Variants in PIK3CB observed in about 807,000 individuals in gnomAD.
PIK3CB encodes phosphatidylinositol 4,5-bisphosphate 3-kinase catalytic subunit beta isoform.
A neutral mutation model predicts 136.8 loss-of-function variants in PIK3CB; 39 were observed. The ratio of observed to expected loss-of-function variants is 0.29; its 90% CI spans 0.22 to 0.37. The LOEUF is 0.37. Among genes scored for constraint, PIK3CB ranks in the 10% least tolerant of loss-of-function variants. The pLI is 1.00. For missense variants in PIK3CB, 868 were observed against 1,275.4 expected, an observed-to-expected ratio of 0.68 and a Z score of 4.87; for synonymous variants, 428 against 436.6, an observed-to-expected ratio of 0.98 and a Z score of 0.25.
intron 4 of PIK3CB, among the ~76,000 whole-genome samples, chr3:138,747,747 T>C (rs2045390072): frequency 6.6e-6 from 1 of 152,212 alleles, no homozygotes; most frequent in East Asian, 1.9e-4. Flanking sequence ...CTGTGATTCG[T>C]CTGCAAGTTT....
chr3:138,661,893 T>C (rs2043302228), intron 21 of PIK3CB, among the ~76,000 whole-genome samples: 1 of 152,130 alleles, frequency 6.6e-6, no homozygotes, highest in Non-Finnish European at 1.5e-5. Context: ...TTGCTTAACA[T>C]AAAAAGTGTT....
At chr3:138,819,542 T>A (rs969858651) in intron 1 of PIK3CB, among the ~76,000 whole-genome samples, 1 of 152,196 alleles carries the variant, frequency 6.6e-6, no homozygotes, top group African/African-American at 2.4e-5. Flanking sequence ...AAAATGAAGT[T>A]AGGATTTAGG....
At chr3:138,702,334 C>CA (rs1447751094) in intron 12 of PIK3CB, among the ~76,000 whole-genome samples, 1 of 151,614 alleles carries the variant, frequency 6.6e-6, no homozygotes, top group Non-Finnish European at 1.5e-5. Context: ...CTTGGCCTCT[C>CA]AAAGTGCTGC....
intron 2 of PIK3CB, among the ~76,000 whole-genome samples, chr3:138,780,298 G>A (rs990567028): frequency 2.0e-5 from 3 of 150,760 alleles, no homozygotes; most frequent in Admixed American, 6.6e-5. Flanking sequence ...TTGAGACGGC[G>A]TCTTGCTCTG....
intron 6 of PIK3CB, among the ~76,000 whole-genome samples, chr3:138,737,345 A>G (rs1481987138): frequency 7.1e-6 from 1 of 140,280 alleles, no homozygotes; most frequent in Non-Finnish European, 1.5e-5. Flanking sequence ...GTGAGCCAAG[A>G]CTGCATGCCA....
intron 2 of PIK3CB, 79 bp downstream of exon 2, chr3:138,796,384 C>CAAAAAAAAAAAAAAAAAAAAAAAAAAA (rs71626081): frequency 1.5e-5 from 1 of 66,686 alleles, no homozygotes; most frequent in Non-Finnish European, 2.8e-5. Context: ...GACTCCACCT[C>CAAAAAAAAAAAAAAAAAAAAAAAAAAA]AAAAAAAAAA....
At chr3:138,732,647 T>G (rs918983115) in intron 8 of PIK3CB, among the ~76,000 whole-genome samples, 2 of 147,420 alleles carry the variant, frequency 1.4e-5, no homozygotes, top group Non-Finnish European at 3.0e-5. Context: ...TTGTGGTCCA[T>G]AACGTAGTAA....
chr3:138,762,959 C>CA (rs900421858), intron 2 of PIK3CB, among the ~76,000 whole-genome samples: 21 of 150,278 alleles, frequency 1.4e-4, no homozygotes, highest in African/African-American at 3.2e-4. Context: ...GAGTCTGCCT[C>CA]AAAAAAAACA....
chr3:138,681,284 G>C (rs1466965554), intron 19 of PIK3CB, among the ~76,000 whole-genome samples: 1 of 152,020 alleles, frequency 6.6e-6, no homozygotes, highest in Non-Finnish European at 1.5e-5. Flanking sequence ...GACCTCAAGT[G>C]ATCTGCCCGC....
At chr3:138,799,151 A>ATCTGTC (rs2046141918) in intron 1 of PIK3CB, among the ~76,000 whole-genome samples, 1 of 148,962 alleles carries the variant, frequency 6.7e-6, no homozygotes, top group African/African-American at 2.5e-5. Context: ...CACCCTCCAA[A>ATCTGTC]TCTGTCTCTC....
At chr3:138,738,212 C>T (rs1279432066) in intron 5 of PIK3CB, among the ~76,000 whole-genome samples, 1 of 151,978 alleles carries the variant, frequency 6.6e-6, no homozygotes, top group Non-Finnish European at 1.5e-5. Context: ...CACACTGTCC[C>T]CCAGGCTGGA....
At chr3:138,799,700 C>T (rs2046150812) in intron 1 of PIK3CB, among the ~76,000 whole-genome samples, 1 of 152,038 alleles carries the variant, frequency 6.6e-6, no homozygotes, top group Admixed American at 6.6e-5. Flanking sequence ...GTTTTTGAGA[C>T]AGGTTCTTGC....
At chr3:138,657,920 C>A (rs2043219287) in intron 21 of PIK3CB, 85 bp from the exon 22 acceptor site, 2 of 1,336,484 alleles carry the variant, frequency 1.5e-6, no homozygotes, top group East Asian at 2.3e-5. Context: ...CCTAGACCCC[C>A]AGGAACTATA....
chr3:138,726,173 A>C (rs1185809225), intron 8 of PIK3CB, among the ~76,000 whole-genome samples: 1 of 152,246 alleles, frequency 6.6e-6, no homozygotes, highest in Non-Finnish European at 1.5e-5. Context: ...TTCAGTTCTC[A>C]AAGTATGTAG....
At chr3:138,787,041 A>G (rs2045988221) in intron 2 of PIK3CB, among the ~76,000 whole-genome samples, 1 of 152,222 alleles carries the variant, frequency 6.6e-6, no homozygotes, top group South Asian at 2.1e-4. Flanking sequence ...GCACTCAACA[A>G]TATCATCTTT....
In PIK3CB at chr3:138,652,740, A is replaced by C. The variant is rs1560507603; in HGVS notation, c.*2649T>G. 4.6e-6 allele frequency: 1 copy of C among 218,818 alleles called. No homozygotes were observed. The highest frequency in any genetic ancestry group is 9.2e-6 in the Non-Finnish European group (1 of 109,144). The allele number at this position is 218,818 out of a possible 1,614,324, so 13.6% of individuals were successfully genotyped here. ...TTAATTATAGATCTTAAAATAACTA[A>C]AAGAGTATAACTGGATTGTTTCTAA... is the stretch of plus-strand genomic sequence containing the variant. On this transcript the variant is annotated 3_prime_UTR_variant, in exon 24 of 24. Transcript: ENST00000674063.
Position 138,804,014 on chromosome 3 carries a change from A to G in PIK3CB, c.-121-7447T>C, listed in dbSNP as rs146192995. Among the ~76,000 whole-genome samples, 942 of 152,268 alleles carry G rather than the reference A, an allele frequency of 6.2e-3. 6 individuals carry two copies. The highest frequency in any genetic ancestry group is 0.021 in the African/African-American group (877 of 41,556). On this transcript the variant is annotated intron_variant, in intron 1 of 23. Coordinates refer to ENST00000674063, the MANE Select transcript of PIK3CB (RefSeq NM_006219.3). ...TGTTACCACATATTCTAGATAAGAA[A>G]ATAGGTATAGAAGCAACCTGACTGA...
chr3:138,801,902 T>C (rs1207203424), intron 1 of PIK3CB, among the ~76,000 whole-genome samples: 1 of 148,212 alleles, frequency 6.7e-6, no homozygotes, highest in Admixed American at 6.8e-5. Context: ...AAAAATTAGC[T>C]GGGTGTGTTG....
chr3:138,788,422 C>T (rs1301721662), intron 2 of PIK3CB, among the ~76,000 whole-genome samples: 5 of 151,250 alleles, frequency 3.3e-5, no homozygotes, highest in Admixed American at 2.0e-4. Context: ...TTTGGAAGAC[C>T]GAGGCGGGCA....
Sources: allele counts gnomAD v4.1 joint callset (sites outside exome capture counted in the v4.1 genomes callset), GRCh38; gene constraint gnomAD v4.1.1; transcripts MANE v1.5; gene names NCBI Gene and HGNC (gene_info 2026-07-23, HGNC 2026-07-21).